The following PRORP variants were observed in gnomAD, a reference collection of about 807,000 sequenced individuals.
The protein encoded by PRORP is protein only RNase P catalytic subunit.
A neutral mutation model predicts 59.4 loss-of-function variants in PRORP; 51 were observed. The ratio of observed to expected loss-of-function variants is 0.86; its 90% confidence interval spans 0.69 to 1.08. The LOEUF is 1.08. Ranked by LOEUF, PRORP falls within the 50% of genes least tolerant of loss-of-function variation. The pLI is 0.00. For synonymous variants in PRORP, 231 were observed against 245.6 expected (o/e 0.94, Z 0.55); for missense variants, 646 against 690.3 (o/e 0.94, Z 0.72).
At position 35,186,537 on chromosome 14, in the gene PRORP, C is replaced by T. The variant is rs913454137; in HGVS notation, c.1275+5760C>T. The stretch of plus-strand genomic sequence containing the variant: ...TAGCACTAACTCCCAGTTTCTTCCT[C>T]CCATTGGTCCCTGGCAACCACTAGT... On this transcript the variant is annotated intron_variant, in intron 5 of 7. Coordinates refer to ENST00000534898, the MANE Select transcript of PRORP (RefSeq NM_014672.4). Among the ~76,000 whole-genome samples the T allele has an allele frequency of 3.3e-5, 5 of 151,996 alleles. 1 individual carries two copies. The South Asian group carries it at 8.3e-4, about 25-fold the overall frequency.
chr14:35,254,239 G>T (rs993022078), intron 5 of PRORP, among the ~76,000 whole-genome samples: 1 of 151,862 alleles, frequency 6.6e-6, no homozygotes, highest in Non-Finnish European at 1.5e-5. Flanking sequence ...CATTTTTACT[G>T]CCAGTTTTCT....
intron 5 of PRORP, among the ~76,000 whole-genome samples, chr14:35,220,226 A>G (rs1250382840): frequency 2.0e-5 from 3 of 152,204 alleles, no homozygotes; most frequent in African/African-American, 7.2e-5. Flanking sequence ...TTCACTTTAC[A>G]ACACTCCAAA....
intron 5 of PRORP, among the ~76,000 whole-genome samples, chr14:35,246,881 C>A (rs1400637276): frequency 6.6e-6 from 1 of 151,954 alleles, no homozygotes; most frequent in East Asian, 1.9e-4. Context: ...GTTTTGGATG[C>A]GGGGAGAATA....
chr14:35,133,874 T>C (rs1206282137), intron 4 of PRORP, among the ~76,000 whole-genome samples: 3 of 152,210 alleles, frequency 2.0e-5, no homozygotes, highest in African/African-American at 7.2e-5. Context: ...GCTGAGGACG[T>C]AGTCACACAA....
chr14:35,121,839 C>G (rs1387549203), upstream of PRORP: 2 of 1,562,766 alleles, frequency 1.3e-6, no homozygotes, highest in African/African-American at 2.7e-5. Flanking sequence ...CTCCCCACCT[C>G]CCCCCTACCT....
intron 4 of PRORP, among the ~76,000 whole-genome samples, chr14:35,155,705 C>T (rs2047897757): frequency 6.6e-6 from 1 of 151,504 alleles, no homozygotes; most frequent in Non-Finnish European, 1.5e-5. Flanking sequence ...GTAAAGATTT[C>T]CTCAAGTAAA....
chr14:35,271,959 A>C (rs994806041), intron 7 of PRORP, among the ~76,000 whole-genome samples: 1 of 151,936 alleles, frequency 6.6e-6, no homozygotes, highest in Non-Finnish European at 1.5e-5. Flanking sequence ...CTGGGAGGCA[A>C]AGGTTTCAGT....
chr14:35,188,853 G>A (rs1336894084), intron 5 of PRORP, among the ~76,000 whole-genome samples: 2 of 150,206 alleles, frequency 1.3e-5, no homozygotes, highest in East Asian at 3.9e-4. Context: ...GTGGGTGCCT[G>A]TAGTACCAGC....
intron 6 of PRORP, among the ~76,000 whole-genome samples, chr14:35,267,955 A>G (rs2051087641): frequency 1.3e-5 from 2 of 152,170 alleles, no homozygotes; most frequent in South Asian, 4.1e-4. Context: ...GTAGACAAGC[A>G]AGAGGCCTAG....
chr14:35,242,801 C>A (rs1181060457), intron 5 of PRORP, among the ~76,000 whole-genome samples: 2 of 152,154 alleles, frequency 1.3e-5, no homozygotes, highest in African/African-American at 2.4e-5. Flanking sequence ...ATTTTACAAT[C>A]CAGTGATCAC....
chr14:35,154,972 A>G (rs1302474917), intron 4 of PRORP, among the ~76,000 whole-genome samples: 1 of 152,022 alleles, frequency 6.6e-6, no homozygotes, highest in Admixed American at 6.6e-5. Context: ...ACAGCTCACC[A>G]CAGCCTCAAC....
At chr14:35,146,122 C>T in intron 4 of PRORP, among the ~76,000 whole-genome samples, 1 of 152,086 alleles carries the variant, frequency 6.6e-6, no homozygotes, top group Non-Finnish European at 1.5e-5. Context: ...TGAGCCGCCG[C>T]ACTCAGCCCC....
chr14:35,145,221 C>A (rs1039215133), intron 4 of PRORP, among the ~76,000 whole-genome samples: 1 of 144,666 alleles, frequency 6.9e-6, no homozygotes, highest in South Asian at 2.3e-4. Context: ...AATCCTCCAA[C>A]CTTGGCCTCC....
At chr14:35,255,576 GC>G (rs2050730838) in intron 5 of PRORP, among the ~76,000 whole-genome samples, 1 of 151,878 alleles carries the variant, frequency 6.6e-6, no homozygotes, top group Admixed American at 6.6e-5. Flanking sequence ...ATAGGGTTTT[GC>G]TGTGTTGCCC....
intron 5 of PRORP, among the ~76,000 whole-genome samples, chr14:35,258,409 G>A (rs1288285078): frequency 2.0e-5 from 3 of 152,144 alleles, no homozygotes; most frequent in East Asian, 1.9e-4. Context: ...AAAATGCAGT[G>A]GCAAAAGGAG....
chr14:35,256,407 C>A (rs1594347293), intron 5 of PRORP, among the ~76,000 whole-genome samples: 1 of 134,682 alleles, frequency 7.4e-6, no homozygotes, highest in Non-Finnish European at 1.6e-5. Flanking sequence ...TCTCAGCTCA[C>A]TGCAGCCTCC....
chr14:35,217,069 G>A (rs1362600378), intron 5 of PRORP, among the ~76,000 whole-genome samples: 1 of 152,068 alleles, frequency 6.6e-6, no homozygotes, highest in African/African-American at 2.4e-5. Context: ...ATATATATTT[G>A]CAAAATTTTC....
intron 4 of PRORP, among the ~76,000 whole-genome samples, chr14:35,138,537 A>G (rs1377482378): frequency 6.9e-6 from 1 of 145,288 alleles, no homozygotes; most frequent in Non-Finnish European, 1.5e-5. Flanking sequence ...AATAATTATT[A>G]AAGGAATAAA....
rs1401912634 is a variant in PRORP at position 35,266,763 on chromosome 14, C to T, written c.1312C>T (p.Leu438=). The part of the protein sequence containing the change: ...NVVSQLAKRN[L]RLLVLGRKHM... ...CGTCTCTCAACTAGCCAAACGGAAT[C>T]TGCGACTGCTGGTCCTAGGCCGGAA... Residue 438 remains leucine, a synonymous_variant, in exon 6 of 8, where the codon CTG becomes TTG. Coordinates refer to ENST00000534898, the MANE Select transcript of PRORP (RefSeq NM_014672.4). The T allele has an allele frequency of 1.2e-6, 2 of 1,614,120 alleles. No individual in the cohort carries two copies. Among genetic ancestry groups the T allele is most frequent in the Non-Finnish European group, 1.7e-6 (2 of 1,180,022 alleles).
Sources: gnomAD v4.1 joint callset for allele counts (sites outside exome capture counted in the v4.1 genomes callset) on GRCh38, gnomAD v4.1.1 for gene constraint, MANE v1.5 for transcripts, NCBI Gene and HGNC (gene_info 2026-07-23, HGNC 2026-07-21) for gene names.